Variants in ANO7 observed in about 807,000 individuals in gnomAD.
ANO7 encodes anoctamin-7.
In ANO7, 114 loss-of-function variants were observed where a neutral mutation model predicts 115.8. The observed-to-expected ratio is 0.98, with a 90% CI of 0.85 to 1.15. ANO7 has a LOEUF of 1.15. Ranked by LOEUF, ANO7 falls within the 50% of genes most tolerant of loss-of-function variation. ANO7 has a pLI of 0.00. For synonymous variants in ANO7, 550 were observed against 498.2 expected (o/e 1.10, Z -1.38); for missense variants, 1,302 against 1,201.2 (o/e 1.08, Z -1.24).
intron 4 of ANO7, 169 bp downstream of exon 4, chr2:241,196,014 A>T (rs1574760695): frequency 3.4e-6 from 5 of 1,490,490 alleles, no homozygotes; most frequent in Admixed American, 2.2e-5. Context: ...GTGGCTAGGG[A>T]GCTGCTGTCC....
At chr2:241,211,996 C>A in intron 15 of ANO7, 98 bp from the exon 16 acceptor site, 1 of 816,862 alleles carries the variant, frequency 1.2e-6, no homozygotes, top group Non-Finnish European at 2.1e-6. Flanking sequence ...ATGGCCTTTT[C>A]CTCACCCGTG....
chr2:241,203,835 G>A lies in ANO7; in HGVS notation c.889+337G>A, dbSNP rs956963042. Among the ~76,000 whole-genome samples the A allele has an allele frequency of 5.1e-4, 78 of 152,072 alleles. 1 individual carries two copies. The highest frequency in any genetic ancestry group is 1.7e-4 in the African/African-American group (7 of 41,474). On this transcript the variant is annotated intron_variant, in intron 9 of 24. Coordinates refer to ENST00000674324, the MANE Select transcript of ANO7 (RefSeq NM_001370694.2). The surrounding 1 kb of genome is among the most constrained non-coding windows in gnomAD (Gnocchi z 4.8). ...CAGGAACTTCCATCCTAGGGAGGTC[G>A]CCCCTGCCTGGGTCCAGGCCAAGCC...
the ANO7 span, chr2:241,236,723 C>T: frequency 6.2e-7 from 1 of 1,614,192 alleles, no homozygotes; most frequent in Admixed American, 1.7e-5. Flanking sequence ...CTCTCCCCTC[C>T]CCAGCTTCGT....
chr2:241,226,704 G>A (rs1052881053), downstream of ANO7, among the ~76,000 whole-genome samples: 1 of 152,184 alleles, frequency 6.6e-6, no homozygotes, highest in Non-Finnish European at 1.5e-5. Flanking sequence ...GATTACAGGC[G>A]TGAGCCACCG....
At position 241,190,137 on chromosome 2, in the gene ANO7, G is replaced by C. The variant is rs1349741686; in HGVS notation, c.74G>C (p.Arg25Thr). The change falls in exon 2 of 25, where the codon AGG becomes ACG. Residue 25 changes from arginine to threonine, a missense_variant. By Grantham distance (71) the Arg-to-Thr change is moderately conservative (BLOSUM62 -1). Transcript: ENST00000674324. ...GTGAGCCCCCCTGAGGCAGAGAAGA[G>C]GGGCTCTTACGGGAGCACAGCCCAC... ...IDVSPPEAEKRGSYGSTAHAS... is the reference protein window; with the variant it reads ...IDVSPPEAEKTGSYGSTAHAS... 1.3e-6 allele frequency: 2 copies of C among 1,576,012 alleles called. No individual in the cohort carries two copies. Among genetic ancestry groups the C allele is most frequent in the Non-Finnish European group, 1.7e-6 (2 of 1,161,112 alleles).
At chr2:241,236,895 C>G in the ANO7 span, 1 of 932,636 alleles carries the variant, frequency 1.1e-6, no homozygotes, top group Non-Finnish European at 1.6e-6. Context: ...AAAACCACTC[C>G]TGTCCTTCAG....
the ANO7 span, chr2:241,235,477 G>T: frequency 1.2e-6 from 2 of 1,604,182 alleles, no homozygotes; most frequent in Non-Finnish European, 1.7e-6. Context: ...GGCCTCCCGG[G>T]AAAGGGGTCT....
At position 241,215,146 on chromosome 2, in the gene ANO7, AC is replaced by A. The variant is rs550783419; in HGVS notation, c.1826+246del. ...AGTTGTGGGAGACGCTACCCCTGGGACCAGCTTTGGCTGGGGAGGGGGTCTG... is the reference window on the plus strand; with the variant it reads ...AGTTGTGGGAGACGCTACCCCTGGGACAGCTTTGGCTGGGGAGGGGGTCTG... On this transcript the variant is annotated intron_variant, in intron 18 of 24. Transcript: ENST00000674324. 1.2e-3 allele frequency among the ~76,000 whole-genome samples: 180 copies of A among 152,298 alleles called. 1 individual carries two copies. Among genetic ancestry groups the A allele is most frequent in the African/African-American group, 3.9e-3 (163 of 41,556 alleles).
intron 21 of ANO7, 63 bp downstream of exon 21, chr2:241,218,444 G>GAGATCGGAAGAGC: frequency 8.0e-7 from 1 of 1,244,122 alleles, no homozygotes; most frequent in African/African-American, 1.6e-5. Flanking sequence ...GCGGGGCTCG[G>GAGATCGGAAGAGC]GTGGGGTGGG....
the ANO7 span, chr2:241,233,716 T>G: frequency 1.0e-4 from 134 of 1,277,758 alleles, 1 homozygote; most frequent in Middle Eastern, 8.2e-4. This position sits in a 1 kb window ranked among gnomAD's most constrained non-coding sequence, Gnocchi z 4.3. Context: ...ACTCTCAACT[T>G]GGCCCTCGAA....
chr2:241,228,184 A>G (rs2069313853), downstream of ANO7: 1 of 152,402 alleles, frequency 6.6e-6, no homozygotes, highest in Non-Finnish European at 1.5e-5. Context: ...CAGCTTTTCC[A>G]AAACTCAAGT....
rs2069091243 is a variant in ANO7, at chr2:241,223,948, G to A, written c.2576G>A (p.Gly859Asp). Reference protein sequence around the residue: ...TNGTKDEQPEGSELSSHWTPF... With the variant: ...TNGTKDEQPEDSELSSHWTPF... ...GGAACAAAGGATGAGCAGCCCGAGG[G>A]CTCAGAGGCAAGTCTGGGAGCAGCC... Residue 859 changes from glycine to aspartate, a missense_variant, in exon 24 of 25, where the codon GGC becomes GAC. Transcript: ENST00000674324. 5.0e-6 allele frequency: 8 copies of A among 1,609,318 alleles called. No individual in the cohort carries two copies. The East Asian group carries it at 1.6e-4, about 31-fold the overall frequency.
the ANO7 span, among the ~76,000 whole-genome samples, chr2:241,232,808 A>G: frequency 6.6e-6 from 1 of 152,118 alleles, no homozygotes; most frequent in East Asian, 1.9e-4. Context: ...GACAAAGACT[A>G]TCTCTCTCAA....
rs201093415 is a variant in ANO7, at chr2:241,218,297, G to T, written c.2237G>T (p.Arg746Leu). The T allele has an allele frequency of 1.3e-6, 2 of 1,535,862 alleles. No homozygotes were observed. The highest frequency in any genetic ancestry group is 2.9e-5 in the African/African-American group (2 of 70,056). The change falls in exon 21 of 25, where the codon CGC becomes CTC. Residue 746 changes from arginine (R) to leucine (L), a missense_variant. Transcript: ENST00000674324. ...CCGCGCGCCTACTACCGGTGGACCC[G>T]CGCCCACGACCTGCGCGGCTTCCTC... is the stretch of plus-strand genomic sequence containing the variant. ...FLPRAYYRWT[R>L]AHDLRGFLNF... is the part of the protein sequence containing the mutation.
chr2:241,212,746 A>T (rs1400780295), intron 17 of ANO7, 120 bp downstream of exon 17: 2 of 1,149,424 alleles, frequency 1.7e-6, no homozygotes, highest in East Asian at 2.6e-5. Flanking sequence ...TCCATCGCCC[A>T]GCCAGGGCCA....
At position 241,216,222 on chromosome 2, in the gene ANO7, C is replaced by T. The variant is rs1309688048; in HGVS notation, c.1956C>T (p.Asp652=). ...TTGTGCCCTGTGAGGGTCTGTTTGA[C>T]GAGTACCTGGAAATGGGTAGGAGCC... ...YELVPCEGLF[D]EYLEMVLQFG... Residue 652 remains aspartate (D), a synonymous_variant, in exon 19 of 25, where the codon GAC becomes GAT. Transcript: ENST00000674324. 8.1e-6 allele frequency: 13 copies of T among 1,604,590 alleles called. No individual in the cohort carries two copies. Among genetic ancestry groups the T allele is most frequent in the African/African-American group, 2.7e-5 (2 of 74,340 alleles).
intron 13 of ANO7, among the ~76,000 whole-genome samples, 155 bp downstream of exon 13, chr2:241,209,790 G>A (rs542937879): frequency 2.0e-5 from 3 of 152,280 alleles, no homozygotes; most frequent in Non-Finnish European, 4.4e-5. Flanking sequence ...GCCCGGGCTC[G>A]GCCGTGGGGT....
chr2:241,215,820 T>TA (rs2068816506), intron 18 of ANO7, among the ~76,000 whole-genome samples: 1 of 152,172 alleles, frequency 6.6e-6, no homozygotes, highest in African/African-American at 2.4e-5. Context: ...AGGAGCCCAT[T>TA]ACCCCTAAAG....
chr2:241,226,706 G>C (rs536000453), downstream of ANO7, among the ~76,000 whole-genome samples: 22 of 152,324 alleles, frequency 1.4e-4, no homozygotes, highest in South Asian at 4.6e-3. Flanking sequence ...TTACAGGCGT[G>C]AGCCACCGTA....
Sources: gnomAD v4.1 joint callset for allele counts (sites outside exome capture counted in the v4.1 genomes callset) on GRCh38, gnomAD v4.1.1 for gene constraint, Gnocchi (gnomAD v3.1) non-coding constraint, MANE v1.5 for transcripts, NCBI Gene and HGNC (gene_info 2026-07-23, HGNC 2026-07-21) for gene names.